Variants in GRXCR1 observed in about 807,000 individuals in gnomAD.
The protein encoded by GRXCR1 is glutaredoxin domain-containing cysteine-rich protein 1.
A neutral mutation model predicts 27.3 loss-of-function variants in GRXCR1; 27 were observed. That is an observed-to-expected ratio of 0.99 (90% CI 0.73 to 1.37). The LOEUF is 1.37. Among genes scored for constraint, GRXCR1 ranks in the 40% most tolerant of loss-of-function variants. The pLI is 0.00. For missense variants in GRXCR1, 379 were observed against 354.4 expected, an observed-to-expected ratio of 1.07 and a Z score of -0.56; for synonymous variants, 122 against 131.1, an observed-to-expected ratio of 0.93 and a Z score of 0.47.
chr4:42,906,313 T>C (rs1002328121), intron 1 of GRXCR1, among the ~76,000 whole-genome samples: 1 of 152,180 alleles, frequency 6.6e-6, no homozygotes, highest in Non-Finnish European at 1.5e-5. Flanking sequence ...TGCACCATAG[T>C]TCACCCAAGC....
chr4:42,920,040 C>A (rs1030676183), intron 1 of GRXCR1, among the ~76,000 whole-genome samples: 2 of 152,122 alleles, frequency 1.3e-5, no homozygotes, highest in African/African-American at 4.8e-5. Flanking sequence ...TAGAGAAGAG[C>A]AACAAGTCTT....
intron 2 of GRXCR1, among the ~76,000 whole-genome samples, chr4:42,974,544 G>C (rs1748462800): frequency 6.6e-6 from 1 of 152,058 alleles, no homozygotes; most frequent in Non-Finnish European, 1.5e-5. Flanking sequence ...TGTGAGCTTG[G>C]TTTCATTTCA....
intron 1 of GRXCR1, among the ~76,000 whole-genome samples, chr4:42,914,494 A>T (rs144702475): frequency 1.2e-3 from 189 of 152,268 alleles, no homozygotes; most frequent in African/African-American, 4.3e-3. Context: ...TTTACCCAGC[A>T]CCTGTACCTT....
chr4:42,943,742 CA>C (rs1170766858), intron 1 of GRXCR1, among the ~76,000 whole-genome samples: 1 of 151,982 alleles, frequency 6.6e-6, no homozygotes, highest in Non-Finnish European at 1.5e-5. Flanking sequence ...TGCTATGTGC[CA>C]GATATTGCCC....
intron 2 of GRXCR1, among the ~76,000 whole-genome samples, chr4:42,991,144 G>A (rs531281183): frequency 8.2e-4 from 125 of 152,128 alleles, no homozygotes; most frequent in Non-Finnish European, 1.5e-3. Flanking sequence ...CTTCACAGCT[G>A]CCAGTATTTT....
intron 1 of GRXCR1, among the ~76,000 whole-genome samples, chr4:42,905,662 C>T (rs1448197999): frequency 6.6e-6 from 1 of 152,154 alleles, no homozygotes. Context: ...ACAGCCAGAC[C>T]AGAGTCAAAA....
At chr4:43,015,778 A>G (rs1252042088) in intron 2 of GRXCR1, among the ~76,000 whole-genome samples, 1 of 151,232 alleles carries the variant, frequency 6.6e-6, no homozygotes, top group Non-Finnish European at 1.5e-5. Context: ...ATAAAACTAT[A>G]TATTATATAT....
At chr4:43,011,029 T>G (rs1712733562) in intron 2 of GRXCR1, among the ~76,000 whole-genome samples, 1 of 152,184 alleles carries the variant, frequency 6.6e-6, no homozygotes, top group Non-Finnish European at 1.5e-5. Flanking sequence ...GAGCCCACGA[T>G]GTCAAACCTG....
At chr4:43,002,779 T>A (rs1299012980) in intron 2 of GRXCR1, among the ~76,000 whole-genome samples, 1 of 152,202 alleles carries the variant, frequency 6.6e-6, no homozygotes, top group African/African-American at 2.4e-5. Flanking sequence ...GATGATAATT[T>A]ATCTTGATAT....
rs547039975 is a variant in GRXCR1, at chr4:42,932,422, A to C, written c.385-30470A>C. Reference sequence around the variant, plus strand: ...ACATTTTGTCCCAGGGAGAAAATACATTACTCCTCCAGAATTTGTTTCACC... The same window carrying C: ...ACATTTTGTCCCAGGGAGAAAATACCTTACTCCTCCAGAATTTGTTTCACC... On this transcript the variant is annotated intron_variant, in intron 1 of 3. Transcript: ENST00000399770. Among the ~76,000 whole-genome samples the C allele has an allele frequency of 4.0e-4, 52 of 129,146 alleles. 2 individuals carry two copies. The South Asian group carries it at 8.7e-3, about 22-fold the overall frequency. The allele number at this position is 129,146 out of a possible 152,430, so 84.7% of individuals were successfully genotyped here.
chr4:42,932,577 C>CATACAT (rs1491525968), intron 1 of GRXCR1, among the ~76,000 whole-genome samples: 1 of 28,680 alleles, frequency 3.5e-5, no homozygotes, highest in Non-Finnish European at 6.0e-5. Context: ...AACTCCCTTC[C>CATACAT]ATATATATAT....
chr4:42,912,560 C>T (rs532983325), intron 1 of GRXCR1, among the ~76,000 whole-genome samples: 3 of 152,282 alleles, frequency 2.0e-5, no homozygotes, highest in South Asian at 4.1e-4. Flanking sequence ...GAACAATTTT[C>T]ATATGCCAGG....
At chr4:42,987,237 A>ATATATATTATATATG (rs1711781667) in intron 2 of GRXCR1, among the ~76,000 whole-genome samples, 1 of 65,534 alleles carries the variant, frequency 1.5e-5, no homozygotes, top group East Asian at 4.5e-4. Context: ...TATTATATAT[A>ATATATATTATATATG]TATAATATAT....
intron 1 of GRXCR1, among the ~76,000 whole-genome samples, chr4:42,918,871 G>A (rs976267920): frequency 1.3e-5 from 2 of 152,084 alleles, no homozygotes; most frequent in Non-Finnish European, 1.5e-5. Flanking sequence ...TAAAAAGCGA[G>A]TGGAGTCTAG....
At position 42,893,578 on chromosome 4, in the gene GRXCR1, C is replaced by T; in HGVS notation, c.312C>T (p.Gly104=). 1.2e-6 allele frequency: 2 copies of T among 1,613,624 alleles called. No individual in the cohort carries two copies. The highest frequency in any genetic ancestry group is 1.1e-5 in the South Asian group (1 of 91,080). ...TRRVNILSKN[G]TVRGVKYKVS... ...GAGTCAACATTTTAAGCAAAAATGG[C>T]ACAGTCAGAGGCGTCAAATACAAAG... Residue 104 remains glycine, a synonymous_variant, in exon 1 of 4, where the codon GGC becomes GGT. Transcript: ENST00000399770.
intron 1 of GRXCR1, among the ~76,000 whole-genome samples, chr4:42,935,939 G>A (rs1747447001): frequency 6.6e-6 from 1 of 151,792 alleles, no homozygotes; most frequent in Admixed American, 6.6e-5. Context: ...TTTAAAAGGG[G>A]GGAATGTAAT....
At chr4:42,933,144 G>A (rs756373384) in intron 1 of GRXCR1, among the ~76,000 whole-genome samples, 39 of 151,990 alleles carry the variant, frequency 2.6e-4, no homozygotes, top group Middle Eastern at 6.8e-3. Context: ...AAGCAAAGAG[G>A]AAATCAGGAC....
intron 2 of GRXCR1, among the ~76,000 whole-genome samples, chr4:42,968,888 A>C (rs922523893): frequency 5.3e-5 from 8 of 152,140 alleles, no homozygotes; most frequent in Admixed American, 5.2e-4. Context: ...TGATAGGCTT[A>C]AAAAATAAGG....
intron 1 of GRXCR1, among the ~76,000 whole-genome samples, chr4:42,955,813 A>C (rs1047678179): frequency 6.6e-6 from 1 of 152,136 alleles, no homozygotes; most frequent in Non-Finnish European, 1.5e-5. Context: ...TAGGAGACCC[A>C]TTTCAGGAGG....
Sources: allele counts gnomAD v4.1 joint callset (sites outside exome capture counted in the v4.1 genomes callset), GRCh38; gene constraint gnomAD v4.1.1; transcripts MANE v1.5; gene names NCBI Gene and HGNC (gene_info 2026-07-23, HGNC 2026-07-21).